The following ARHGAP44 variants were observed in gnomAD, a reference collection of about 807,000 sequenced individuals.
ARHGAP44 encodes rho GTPase-activating protein 44.
In ARHGAP44, 43 loss-of-function variants were observed where a neutral mutation model predicts 106.8. The ratio of observed to expected loss-of-function variants is 0.40; its 90% CI spans 0.32 to 0.52. The LOEUF is 0.52. ARHGAP44 is among the 20% of genes least tolerant of loss of function. The probability of loss-of-function intolerance (pLI) is 0.48; values close to 1 mark genes in which losing one functional copy is unlikely to be tolerated. For synonymous variants in ARHGAP44, 439 were observed against 410.3 expected, an observed-to-expected ratio of 1.07 and a Z score of -0.85; for missense variants, 866 against 1,050.5, an observed-to-expected ratio of 0.82 and a Z score of 2.43.
At chr17:12,803,595 C>T (rs2034185751) in intron 1 of ARHGAP44, among the ~76,000 whole-genome samples, 1 of 152,136 alleles carries the variant, frequency 6.6e-6, no homozygotes, top group African/African-American at 2.4e-5. Flanking sequence ...ACTTCCTGGG[C>T]TCAAATGATC....
At chr17:12,963,296 T>G (rs2039308965) in intron 16 of ARHGAP44, among the ~76,000 whole-genome samples, 1 of 152,170 alleles carries the variant, frequency 6.6e-6, no homozygotes, top group Non-Finnish European at 1.5e-5. Flanking sequence ...GGTGATGTTC[T>G]GGGACTGCTG....
chr17:12,954,174 A>G (rs899770981), intron 13 of ARHGAP44, among the ~76,000 whole-genome samples: 3 of 151,936 alleles, frequency 2.0e-5, no homozygotes, highest in African/African-American at 4.8e-5. Flanking sequence ...CTGAGATTAC[A>G]GGCATGAGCC....
At chr17:12,977,362 A>G (rs2039710544) in intron 18 of ARHGAP44, among the ~76,000 whole-genome samples, 1 of 151,774 alleles carries the variant, frequency 6.6e-6, no homozygotes, top group African/African-American at 2.4e-5. Flanking sequence ...GAGTGGCCGG[A>G]TTCTCGTTCT....
intron 1 of ARHGAP44, among the ~76,000 whole-genome samples, chr17:12,812,583 CAG>C (rs2034471787): frequency 6.6e-6 from 1 of 152,130 alleles, no homozygotes. Context: ...GACACGCTGA[CAG>C]GGGAACAGAG....
intron 7 of ARHGAP44, chr17:12,929,516 A>T (rs1449133697): frequency 6.5e-6 from 1 of 153,908 alleles, no homozygotes. Context: ...AATGCTAGCC[A>T]TGAAAAGAGT....
intron 1 of ARHGAP44, among the ~76,000 whole-genome samples, chr17:12,801,838 C>CT (rs1191151221): frequency 6.6e-6 from 1 of 150,514 alleles, no homozygotes; most frequent in East Asian, 2.0e-4. Context: ...GCTGCTTATG[C>CT]TTTTTTTTAA....
chr17:12,848,242 T>C (rs1257772779), intron 1 of ARHGAP44, among the ~76,000 whole-genome samples: 1 of 152,202 alleles, frequency 6.6e-6, no homozygotes, highest in Non-Finnish European at 1.5e-5. Flanking sequence ...ATAGAATCTT[T>C]GTCTTAAATA....
chr17:12,987,867 C>T (rs1444681992), intron 20 of ARHGAP44: 1 of 152,198 alleles, frequency 6.6e-6, no homozygotes, highest in Non-Finnish European at 1.5e-5. Flanking sequence ...GTCTCCTCCT[C>T]CTATAAAGAG....
intron 20 of ARHGAP44, among the ~76,000 whole-genome samples, chr17:12,989,101 CA>C (rs71144942): frequency 3.8e-3 from 171 of 45,148 alleles, no homozygotes; most frequent in African/African-American, 0.013. Context: ...CCACCCCCCC[CA>C]AAAAAAAAAA....
chr17:12,825,903 T>C (rs1327151505), intron 1 of ARHGAP44, among the ~76,000 whole-genome samples: 1 of 152,186 alleles, frequency 6.6e-6, no homozygotes, highest in Non-Finnish European at 1.5e-5. Context: ...TTGAGAGCGT[T>C]AACTTTCTAC....
At chr17:12,812,491 C>T (rs184587749) in intron 1 of ARHGAP44, among the ~76,000 whole-genome samples, 25 of 152,232 alleles carry the variant, frequency 1.6e-4, no homozygotes, top group African/African-American at 4.8e-5. Flanking sequence ...ACATTACTAA[C>T]GCATTAAATA....
At chr17:12,936,998 T>C (rs899472405) in intron 7 of ARHGAP44, among the ~76,000 whole-genome samples, 11 of 152,306 alleles carry the variant, frequency 7.2e-5, no homozygotes, top group African/African-American at 2.4e-4. Context: ...AATAGTTCTT[T>C]GGTGATGTGG....
At chr17:12,933,309 G>A (rs944169203) in intron 7 of ARHGAP44, among the ~76,000 whole-genome samples, 1 of 152,160 alleles carries the variant, frequency 6.6e-6, no homozygotes, top group African/African-American at 2.4e-5. Context: ...TAATGAAGTA[G>A]TAATCTGATT....
intron 3 of ARHGAP44, among the ~76,000 whole-genome samples, chr17:12,905,040 T>C (rs1235817105): frequency 6.6e-6 from 1 of 151,440 alleles, no homozygotes; most frequent in Non-Finnish European, 1.5e-5. Flanking sequence ...TAGCTGGGAC[T>C]ACAGGGGCGT....
At chr17:12,963,096 G>C (rs1301809586) in intron 16 of ARHGAP44, among the ~76,000 whole-genome samples, 4 of 148,174 alleles carry the variant, frequency 2.7e-5, no homozygotes, top group African/African-American at 7.5e-5. Context: ...CACCAACCTT[G>C]TGGTTGGTAC....
intron 1 of ARHGAP44, among the ~76,000 whole-genome samples, chr17:12,814,531 G>T (rs1323525357): frequency 1.3e-5 from 2 of 152,096 alleles, no homozygotes; most frequent in East Asian, 1.9e-4. Context: ...GTGAGCCACC[G>T]CATCTGGCCC....
intron 16 of ARHGAP44, among the ~76,000 whole-genome samples, chr17:12,969,874 A>C (rs568396973): frequency 2.0e-5 from 3 of 152,212 alleles, no homozygotes. Flanking sequence ...GCTCCATTCT[A>C]TGGGTGAAGA....
intron 1 of ARHGAP44, among the ~76,000 whole-genome samples, chr17:12,869,470 A>G (rs1213214076): frequency 6.6e-6 from 1 of 152,086 alleles, no homozygotes; most frequent in Non-Finnish European, 1.5e-5. Flanking sequence ...AAAAATACAT[A>G]CAACATAATA....
chr17:12,943,518 G>A, intron 8 of ARHGAP44, 70 bp from the exon 9 acceptor site: 1 of 1,468,892 alleles, frequency 6.8e-7, no homozygotes, highest in Non-Finnish European at 9.5e-7. Flanking sequence ...TCTGCAAAAT[G>A]CTTTGCATGC....
Sources: gnomAD v4.1 joint callset for allele counts (sites outside exome capture counted in the v4.1 genomes callset) on GRCh38, gnomAD v4.1.1 for gene constraint, MANE v1.5 for transcripts, NCBI Gene and HGNC (gene_info 2026-07-23, HGNC 2026-07-21) for gene names.